ANKRD46: variants seen among roughly 807,000 people sequenced by gnomAD.
ANKRD46 encodes ankyrin repeat domain-containing protein 46.
Under a neutral mutation model 19.8 loss-of-function variants are expected in ANKRD46, and 13 were observed. The ratio of observed to expected loss-of-function variants is 0.66; its 90% confidence interval spans 0.43 to 1.04. The LOEUF is 1.04. Among genes scored for constraint, ANKRD46 ranks in the 50% least tolerant of loss-of-function variants. ANKRD46 has a pLI of 0.00. For synonymous variants in ANKRD46, 91 were observed against 106.9 expected, an observed-to-expected ratio of 0.85 and a Z score of 0.92; for missense variants, 185 against 274.8, an observed-to-expected ratio of 0.67 and a Z score of 2.31.
At chr8:100,555,033 A>G (rs1027847580) in intron 1 of ANKRD46, among the ~76,000 whole-genome samples, 6 of 151,786 alleles carry the variant, frequency 4.0e-5, no homozygotes, top group African/African-American at 1.5e-4. Flanking sequence ...AAAAAAAAGT[A>G]CTTATCACAG....
rs1192574378 is a variant in ANKRD46 at position 100,550,184 on chromosome 8, G to A, written c.-131+9527C>T. Among the ~76,000 whole-genome samples the A allele has an allele frequency of 6.6e-6, 1 of 152,214 alleles. No homozygotes were observed. Among genetic ancestry groups the A allele is most frequent in the African/African-American group, 2.4e-5 (1 of 41,444 alleles). ...TTTCACTCCTTTGGGTAAATACCAA[G>A]GAGCATGATTGCTGGATGGTAAGAG... is the stretch of plus-strand genomic sequence containing the variant. On this transcript the variant is annotated intron_variant, in intron 1 of 4. Transcript: ENST00000335659. The surrounding 1 kb of genome is among the most constrained non-coding windows in gnomAD (Gnocchi z 4.4).
chr8:100,551,431 G>A (rs964439340), intron 1 of ANKRD46: 19 of 644,736 alleles, frequency 2.9e-5, no homozygotes, highest in East Asian at 6.7e-5. Context: ...TGGACTCCAC[G>A]GCATACTCAG....
At position 100,525,703 on chromosome 8, in the gene ANKRD46, T is replaced by G. The variant is rs1198309358; in HGVS notation, c.470+2142A>C. Among the ~76,000 whole-genome samples the G allele has an allele frequency of 6.6e-6, 1 of 152,226 alleles. No homozygotes were observed. Among genetic ancestry groups the G allele is most frequent in the Non-Finnish European group, 1.5e-5 (1 of 68,034 alleles). On this transcript the variant is annotated intron_variant, in intron 4 of 4. Transcript: ENST00000335659. The surrounding 1 kb of genome is among the most constrained non-coding windows in gnomAD (Gnocchi z 4.4). Reference sequence around the variant, plus strand: ...ATTATGAATAATGCTGCTATGAACATTCATATATAAGTTTTGTGTGGACAT... The same window carrying G: ...ATTATGAATAATGCTGCTATGAACAGTCATATATAAGTTTTGTGTGGACAT...
intron 1 of ANKRD46, among the ~76,000 whole-genome samples, chr8:100,553,750 AAAAC>A (rs1207234161): frequency 3.3e-5 from 5 of 152,218 alleles, no homozygotes; most frequent in South Asian, 2.1e-4. Flanking sequence ...CTCCATCTCA[AAAAC>A]AAACAAACAA....
rs1311513992 is a variant in ANKRD46, at chr8:100,532,650, T to A, written c.-28+559A>T. Among the ~76,000 whole-genome samples, 1 of 152,234 alleles carries A rather than the reference T, an allele frequency of 6.6e-6. No homozygotes were observed. The stretch of plus-strand genomic sequence containing the variant: ...CAATGGAAGAAGAATTGTCTTGGGC[T>A]ACACATAAAATACATAATGATAGCT... On this transcript the variant is annotated intron_variant, in intron 2 of 4. Transcript: ENST00000335659. The surrounding 1 kb of genome is among the most constrained non-coding windows in gnomAD (Gnocchi z 4.7).
Position 100,522,517 on chromosome 8 carries a change from A to C in ANKRD46, c.*38T>G. On this transcript the variant is annotated 3_prime_UTR_variant, in exon 5 of 5. Coordinates refer to ENST00000335659, the MANE Select transcript of ANKRD46 (RefSeq NM_001270377.2). Reference sequence around the variant, plus strand: ...CTGAGAACAAACATTGGAAGCCAGGAAACAGGCAATTAATTGCCTCATCTT... The same window carrying C: ...CTGAGAACAAACATTGGAAGCCAGGCAACAGGCAATTAATTGCCTCATCTT... 1 of 1,607,926 alleles carries C rather than the reference A, an allele frequency of 6.2e-7. No individual in the cohort carries two copies. The highest frequency in any genetic ancestry group is 8.5e-7 in the Non-Finnish European group (1 of 1,176,002).
intron 4 of ANKRD46, 73 bp from the exon 5 acceptor site, chr8:100,522,844 A>G (rs1811756295): frequency 8.1e-7 from 1 of 1,233,734 alleles, no homozygotes; most frequent in Non-Finnish European, 1.2e-6. Context: ...CCACAGGGCT[A>G]CTATTTAGAA....
At chr8:100,541,016 A>G (rs925233558) in intron 1 of ANKRD46, among the ~76,000 whole-genome samples, 4 of 148,834 alleles carry the variant, frequency 2.7e-5, no homozygotes, top group African/African-American at 1.0e-4. Context: ...CAACTTCAGC[A>G]TCTAGTATGG....
At chr8:100,554,086 G>A (rs1037780511) in intron 1 of ANKRD46, among the ~76,000 whole-genome samples, 2 of 152,212 alleles carry the variant, frequency 1.3e-5, no homozygotes, top group African/African-American at 4.8e-5. Flanking sequence ...TTCAGCATAT[G>A]TGTGTTTAAG....
chr8:100,515,714 A>G (rs1370435107), intron 5 of ANKRD46, among the ~76,000 whole-genome samples: 2 of 151,942 alleles, frequency 1.3e-5, no homozygotes, highest in African/African-American at 4.8e-5. Flanking sequence ...GGAAGAGGGA[A>G]GAACAACAGA....
intron 2 of ANKRD46, among the ~76,000 whole-genome samples, chr8:100,530,090 A>G (rs772812515): frequency 7.2e-5 from 11 of 152,192 alleles, no homozygotes; most frequent in African/African-American, 2.7e-4. Flanking sequence ...GTAAAGCTCT[A>G]TTTTGCTTTT....
At chr8:100,554,228 A>G (rs1812450036) in intron 1 of ANKRD46, among the ~76,000 whole-genome samples, 1 of 152,206 alleles carries the variant, frequency 6.6e-6, no homozygotes. Context: ...GTCAGACGTT[A>G]AATTATTTAA....
intron 1 of ANKRD46, among the ~76,000 whole-genome samples, chr8:100,553,726 G>A (rs1385253231): frequency 6.6e-6 from 1 of 152,106 alleles, no homozygotes; most frequent in African/African-American, 2.4e-5. Flanking sequence ...TCCAGCCTGG[G>A]AGACAGAGCA....
At chr8:100,555,253 T>C (rs2130711607) in intron 1 of ANKRD46, among the ~76,000 whole-genome samples, 1 of 151,762 alleles carries the variant, frequency 6.6e-6, no homozygotes. Context: ...TTCTTTCATT[T>C]TTAAAGGATA....
Position 100,522,449 on chromosome 8 carries a change from T to C in ANKRD46, c.*106A>G, listed in dbSNP as rs534575713. On this transcript the variant is annotated 3_prime_UTR_variant, in exon 5 of 5. Transcript: ENST00000335659. ...AATAATTAAAAATGCAAAAAGAACA[T>C]GTACTGCCCTCACTGCTTTGCGCTA... 41 of 1,484,360 alleles carry C rather than the reference T, an allele frequency of 2.8e-5. No homozygotes were observed. In the African/African-American group the frequency reaches 4.5e-4, roughly 16 times the overall value. The allele number at this position is 1,484,360 out of a possible 1,614,324, so 91.9% of individuals were successfully genotyped here.
chr8:100,533,627 T>C (rs943497945), intron 1 of ANKRD46, among the ~76,000 whole-genome samples: 2 of 152,260 alleles, frequency 1.3e-5, no homozygotes, highest in Non-Finnish European at 2.9e-5. Flanking sequence ...CAGTCATTAC[T>C]TGGAATTCAG....
rs1445082446 is a variant in ANKRD46, at chr8:100,536,859, G to C, written c.-130-3548C>G. On this transcript the variant is annotated intron_variant, in intron 1 of 4. Transcript: ENST00000335659. This position sits in a 1 kb window ranked among gnomAD's most constrained non-coding sequence, Gnocchi z 4.9. ...GGTCAGGTTTTTGAGGGCTGGTGTAGCCTGACACTTAAAACTCCTCACTCT... is the reference window on the plus strand; with the variant it reads ...GGTCAGGTTTTTGAGGGCTGGTGTACCCTGACACTTAAAACTCCTCACTCT... Among the ~76,000 whole-genome samples, 7 of 152,178 alleles carry C rather than the reference G, an allele frequency of 4.6e-5. No individual in the cohort carries two copies. Among genetic ancestry groups the C allele is most frequent in the Admixed American group, 4.6e-4 (7 of 15,280 alleles).
chr8:100,515,165 T>C (rs1811608668), intron 5 of ANKRD46, among the ~76,000 whole-genome samples: 1 of 152,216 alleles, frequency 6.6e-6, no homozygotes, highest in Non-Finnish European at 1.5e-5. Context: ...TTGACAAATG[T>C]TCCTGCAACC....
chr8:100,527,140 A>G lies in ANKRD46; in HGVS notation c.470+705T>C, dbSNP rs143294802. 6.6e-6 allele frequency among the ~76,000 whole-genome samples: 1 copy of G among 152,280 alleles called. No individual in the cohort carries two copies. The highest frequency in any genetic ancestry group is 1.9e-4 in the East Asian group (1 of 5,182). On this transcript the variant is annotated intron_variant, in intron 4 of 4. Coordinates refer to ENST00000335659, the MANE Select transcript of ANKRD46 (RefSeq NM_001270377.2). This position sits in a 1 kb window ranked among gnomAD's most constrained non-coding sequence, Gnocchi z 4.0. ...TGGAGCTCTCTGAACTGCATTCTCC[A>G]TTGCTTCTAGATGAGAAATGATGAG...
Sources: gnomAD v4.1 joint callset for allele counts (sites outside exome capture counted in the v4.1 genomes callset) on GRCh38, gnomAD v4.1.1 for gene constraint, Gnocchi (gnomAD v3.1) non-coding constraint, MANE v1.5 for transcripts, NCBI Gene and HGNC (gene_info 2026-07-23, HGNC 2026-07-21) for gene names.